GID8: variants seen among roughly 807,000 people sequenced by gnomAD.
GID8 encodes the protein GID complex subunit 8 homolog.
In GID8, 6 loss-of-function variants were observed where a neutral mutation model predicts 27.4. The observed-to-expected ratio is 0.22, with a 90% CI of 0.12 to 0.43. GID8 has a LOEUF of 0.43. GID8 is among the 20% of genes least tolerant of loss of function. GID8 has a pLI of 1.00. For missense variants in GID8, 173 were observed against 287.6 expected, an observed-to-expected ratio of 0.60 and a Z score of 2.88; for synonymous variants, 112 against 109.0, an observed-to-expected ratio of 1.03 and a Z score of -0.17.
rs760658149 is a variant in GID8 at position 62,946,046 on chromosome 20, G to C, written c.*1134G>C. On this transcript the variant is annotated 3_prime_UTR_variant, in exon 5 of 5. Coordinates refer to ENST00000266069, the MANE Select transcript of GID8 (RefSeq NM_017896.3). ...GAGTCGGGACAGTTGATGGGCACAT[G>C]GCCTTGTAGCTCTGGGCACAGATGT... is the stretch of plus-strand genomic sequence containing the variant. 2 of 1,285,594 alleles carry C rather than the reference G, an allele frequency of 1.6e-6. No individual in the cohort carries two copies. The highest frequency in any genetic ancestry group is 2.0e-6 in the Non-Finnish European group (2 of 985,572). 79.6% of individuals were successfully genotyped at this position (1,285,594 alleles called of 1,614,324 possible).
In GID8 at chr20:62,945,821, G is replaced by A. The variant is rs1328870973; in HGVS notation, c.*909G>A. 7.8e-7 allele frequency: 1 copy of A among 1,288,760 alleles called. No individual in the cohort carries two copies. The highest frequency in any genetic ancestry group is 2.3e-5 in the Admixed American group (1 of 43,526). 79.8% of individuals were successfully genotyped at this position (1,288,760 alleles called of 1,614,324 possible). ...AGCCCTTGGCCGGTGGGGACGCAGA[G>A]CCCCAGCAGGTGGTGCACGACTGTT... On this transcript the variant is annotated 3_prime_UTR_variant, in exon 5 of 5. Transcript: ENST00000266069.
In GID8 at chr20:62,943,660, G is replaced by A. The variant is rs781470834; in HGVS notation, c.481G>A (p.Gly161Arg). 1.4e-5 allele frequency: 22 copies of A among 1,613,666 alleles called. No individual in the cohort carries two copies. The highest frequency in any genetic ancestry group is 1.9e-5 in the Non-Finnish European group (22 of 1,179,960). The part of the protein sequence containing the change: ...AFDSPEESPF[G>R]DLLHTMQRQK... ...TGACAGTCCCGAGGAGTCGCCCTTC[G>A]GAGACCTCCTCCACACCATGCAGAG... Residue 161 changes from glycine (G) to arginine (R), a missense_variant, in exon 4 of 5, where the codon GGA (glycine) becomes AGA (arginine). By Grantham distance (125) the Gly-to-Arg change is moderately radical. Transcript: ENST00000266069. This position sits in a 1 kb window ranked among gnomAD's most constrained non-coding sequence, Gnocchi z 4.7.
Position 62,946,592 on chromosome 20 carries a change from C to G in GID8, c.*1680C>G, listed in dbSNP as rs540549381. On this transcript the variant is annotated 3_prime_UTR_variant, in exon 5 of 5. Transcript: ENST00000266069. ...TGCGGTTGTTACAGAAGCATGGCGG[C>G]CTCCAGACTGACCCATTGGTTGCCC... The G allele has an allele frequency of 6.5e-6, 1 of 152,766 alleles. No individual in the cohort carries two copies. Among genetic ancestry groups the G allele is most frequent in the East Asian group, 1.9e-4 (1 of 5,192 alleles). The allele number at this position is 152,766 out of a possible 1,614,324, so 9.5% of individuals were successfully genotyped here.
In GID8 at chr20:62,946,618, T is replaced by G. The variant is rs1395257857; in HGVS notation, c.*1706T>G. The G allele has an allele frequency of 6.6e-6, 1 of 152,416 alleles. No individual in the cohort carries two copies. Among genetic ancestry groups the G allele is most frequent in the Non-Finnish European group, 1.5e-5 (1 of 68,206 alleles). The allele number at this position is 152,416 out of a possible 1,614,324, so 9.4% of individuals were successfully genotyped here. A position where few individuals can be genotyped will look rare whatever the true frequency, so the allele number is the denominator to read the frequency against. The stretch of plus-strand genomic sequence containing the variant: ...CTCCAGACTGACCCATTGGTTGCCC[T>G]TTAGATTTTGTAAGGATGCGGTGCT... On this transcript the variant is annotated 3_prime_UTR_variant, in exon 5 of 5. Transcript: ENST00000266069.
Position 62,946,909 on chromosome 20 carries a change from TA to T in GID8, c.*1998del, listed in dbSNP as rs2065468965. 6.6e-6 allele frequency: 1 copy of T among 152,284 alleles called. No individual in the cohort carries two copies. The highest frequency in any genetic ancestry group is 1.5e-5 in the Non-Finnish European group (1 of 68,054). 9.4% of individuals were successfully genotyped at this position (152,284 alleles called of 1,614,324 possible). ...CACTATTCGTGTATATAAGATCGTT[TA>T]CTTGCATAATATATCATCAATTTGA... On this transcript the variant is annotated 3_prime_UTR_variant, in exon 5 of 5. Transcript: ENST00000266069.
chr20:62,939,696 C>T (rs923003990), intron 1 of GID8, among the ~76,000 whole-genome samples: 1 of 152,188 alleles, frequency 6.6e-6, no homozygotes, highest in Non-Finnish European at 1.5e-5. Flanking sequence ...GCCAAAGCAT[C>T]TTGATCTCAC....
chr20:62,945,643 A>C lies in GID8; in HGVS notation c.*731A>C, dbSNP rs1312153576. On this transcript the variant is annotated 3_prime_UTR_variant, in exon 5 of 5. Transcript: ENST00000266069. ...TCTCTTTGATTTCAAGAATGACCAA[A>C]ATGGCCTCTAAAAGATGTTAATCAT... 1 of 1,172,962 alleles carries C rather than the reference A, an allele frequency of 8.5e-7. No individual in the cohort carries two copies. The highest frequency in any genetic ancestry group is 1.1e-6 in the Non-Finnish European group (1 of 933,292). 72.7% of individuals were successfully genotyped at this position (1,172,962 alleles called of 1,614,324 possible).
At position 62,945,821 on chromosome 20, in the gene GID8, G is replaced by T. The variant is rs1328870973; in HGVS notation, c.*909G>T. ...AGCCCTTGGCCGGTGGGGACGCAGA[G>T]CCCCAGCAGGTGGTGCACGACTGTT... On this transcript the variant is annotated 3_prime_UTR_variant, in exon 5 of 5. Coordinates refer to ENST00000266069, the MANE Select transcript of GID8 (RefSeq NM_017896.3). 5 of 1,288,760 alleles carry T rather than the reference G, an allele frequency of 3.9e-6. No homozygotes were observed. The allele number at this position is 1,288,760 out of a possible 1,614,324, so 79.8% of individuals were successfully genotyped here.
rs777037502 is a variant in GID8, at chr20:62,945,212, T to C, written c.*300T>C. 2.6e-6 allele frequency: 3 copies of C among 1,162,288 alleles called. No homozygotes were observed. Among genetic ancestry groups the C allele is most frequent in the Non-Finnish European group, 3.2e-6 (3 of 937,452 alleles). 72.0% of individuals were successfully genotyped at this position (1,162,288 alleles called of 1,614,324 possible). On this transcript the variant is annotated 3_prime_UTR_variant, in exon 5 of 5. Transcript: ENST00000266069. ...CGGGGGCCTCTGGCTGCTGAAGGAT[T>C]CGGTCTACCACGGAGGGCTGTGCTG...
rs748990414 is a variant in GID8 at position 62,945,586 on chromosome 20, T to G, written c.*674T>G. The G allele has an allele frequency of 8.7e-7, 1 of 1,144,758 alleles. No individual in the cohort carries two copies. Among genetic ancestry groups the G allele is most frequent in the Non-Finnish European group, 1.1e-6 (1 of 919,386 alleles). The allele number at this position is 1,144,758 out of a possible 1,614,324, so 70.9% of individuals were successfully genotyped here. ...GTTCCTAGTGGATCAATGAACCATCTCTTCTGGGCAGTTTTGTTGAAAATA... is the reference window on the plus strand; with the variant it reads ...GTTCCTAGTGGATCAATGAACCATCGCTTCTGGGCAGTTTTGTTGAAAATA... On this transcript the variant is annotated 3_prime_UTR_variant, in exon 5 of 5. Transcript: ENST00000266069.
At position 62,945,024 on chromosome 20, in the gene GID8, G is replaced by T; in HGVS notation, c.*112G>T. On this transcript the variant is annotated 3_prime_UTR_variant, in exon 5 of 5. Coordinates refer to ENST00000266069, the MANE Select transcript of GID8 (RefSeq NM_017896.3). ...CAGTAGAGAACTCTTTTTCTCCCTT[G>T]TACTTTTTTTTGACCTGGCATCTTT... 1 of 1,439,972 alleles carries T rather than the reference G, an allele frequency of 6.9e-7. No homozygotes were observed. The allele number at this position is 1,439,972 out of a possible 1,614,324, so 89.2% of individuals were successfully genotyped here.
chr20:62,940,841 G>T (rs1253404590), intron 1 of GID8, among the ~76,000 whole-genome samples: 1 of 152,154 alleles, frequency 6.6e-6, no homozygotes. Context: ...CTATTTGGTG[G>T]CCAAAACCTC....
intron 1 of GID8, among the ~76,000 whole-genome samples, chr20:62,941,088 T>G (rs2065441355): frequency 6.6e-6 from 1 of 152,252 alleles, no homozygotes; most frequent in South Asian, 2.1e-4. Context: ...TGCTGTTGAA[T>G]GAACGCTCAG....
intron 2 of GID8, among the ~76,000 whole-genome samples, chr20:62,942,117 C>T (rs190935850): frequency 1.3e-3 from 191 of 152,242 alleles, no homozygotes; most frequent in African/African-American, 4.4e-3. Flanking sequence ...GAAAAATCTC[C>T]CTCCTGTTAG....
chr20:62,939,421 G>GCCCCCC (rs367965638), intron 1 of GID8, among the ~76,000 whole-genome samples: 1 of 142,686 alleles, frequency 7.0e-6, no homozygotes, highest in Non-Finnish European at 1.5e-5. Context: ...CCCCAGCACC[G>GCCCCCC]CCCCCCCCGC....
In GID8 at chr20:62,938,169, G is replaced by C. The variant is rs938170286; in HGVS notation, c.-97G>C. ...TGCCTCCTTCTACTCGGGCGCCCCGGCGGCCGCCACCTCTCCCCAGCCCAG... is the reference window on the plus strand; with the variant it reads ...TGCCTCCTTCTACTCGGGCGCCCCGCCGGCCGCCACCTCTCCCCAGCCCAG... On this transcript the variant is annotated 5_prime_UTR_variant, in exon 1 of 5. Coordinates refer to ENST00000266069, the MANE Select transcript of GID8 (RefSeq NM_017896.3). 2 of 253,916 alleles carry C rather than the reference G, an allele frequency of 7.9e-6. No individual in the cohort carries two copies. The highest frequency in any genetic ancestry group is 2.2e-5 in the African/African-American group (1 of 44,650). The allele number at this position is 253,916 out of a possible 1,614,324, so 15.7% of individuals were successfully genotyped here. A position where few individuals can be genotyped will look rare whatever the true frequency, so the allele number is the denominator to read the frequency against.
rs1223671577 is a variant in GID8, at chr20:62,947,309, TC to T, written c.*2399del. ...TGTGATCTGTTAGTGGACGAGGTCT[TC>T]CAAGGAAGTGCTTTGCACACTTTCT... On this transcript the variant is annotated 3_prime_UTR_variant, in exon 5 of 5. Transcript: ENST00000266069. 6.6e-6 allele frequency: 1 copy of T among 152,272 alleles called. No homozygotes were observed. The highest frequency in any genetic ancestry group is 2.4e-5 in the African/African-American group (1 of 41,462). The allele number at this position is 152,272 out of a possible 1,614,324, so 9.4% of individuals were successfully genotyped here.
rs2065461252 is a variant in GID8, at chr20:62,945,292, C to T, written c.*380C>T. ...AAAGCACGAATCATGATTCTGCTTT[C>T]TGTTAGCTTAGGCAGACATTGGGCC... On this transcript the variant is annotated 3_prime_UTR_variant, in exon 5 of 5. Transcript: ENST00000266069. The T allele has an allele frequency of 2.0e-6, 2 of 1,008,560 alleles. No homozygotes were observed. Among genetic ancestry groups the T allele is most frequent in the African/African-American group, 1.7e-5 (1 of 57,794 alleles). 62.5% of individuals were successfully genotyped at this position (1,008,560 alleles called of 1,614,324 possible).
At position 62,943,159 on chromosome 20, in the gene GID8, C is replaced by T. The variant is rs1341978333; in HGVS notation, c.291C>T (p.Asn97=). The T allele has an allele frequency of 6.2e-7, 1 of 1,613,030 alleles. No homozygotes were observed. Among genetic ancestry groups the T allele is most frequent in the Non-Finnish European group, 8.5e-7 (1 of 1,179,224 alleles). Reference sequence around the variant, plus strand: ...TCCACCCAGAGCTCTTGGACACAAACCGGTATCTTTACTTCCATTTGCAGG... The same window carrying T: ...TCCACCCAGAGCTCTTGGACACAAATCGGTATCTTTACTTCCATTTGCAGG... ...NSLHPELLDT[N]RYLYFHLQQQ... The change falls in exon 3 of 5, where the codon AAC becomes AAT. Residue 97 remains asparagine, a synonymous_variant. Transcript: ENST00000266069. The surrounding 1 kb of genome is among the most constrained non-coding windows in gnomAD (Gnocchi z 4.7).
Sources: allele counts gnomAD v4.1 joint callset (sites outside exome capture counted in the v4.1 genomes callset), GRCh38; gene constraint gnomAD v4.1.1; non-coding constraint Gnocchi (gnomAD v3.1); transcripts MANE v1.5; gene names NCBI Gene and HGNC (gene_info 2026-07-23, HGNC 2026-07-21).